TENM1: variants seen among roughly 807,000 people sequenced by gnomAD.
TENM1 encodes the protein teneurin-1.
Under a neutral mutation model 174.8 loss-of-function variants are expected in TENM1, and 35 were observed. That is an observed-to-expected ratio of 0.20 (90% CI 0.15 to 0.27). TENM1 has a LOEUF of 0.27. TENM1 is among the 10% of genes least tolerant of loss of function. The pLI is 1.00. For missense variants in TENM1, 1,633 were observed against 2,130.1 expected, an observed-to-expected ratio of 0.77 and a Z score of 4.59; for synonymous variants, 781 against 798.7, an observed-to-expected ratio of 0.98 and a Z score of 0.37.
At chrX:125,186,643 T>A in the TENM1 span, among the ~76,000 whole-genome samples, 19 of 110,049 alleles carry the variant, frequency 1.7e-4, no homozygotes, top group Non-Finnish European at 3.0e-4. Context: ...CTGAATATGC[T>A]GGCTCCCCTT....
chrX:124,841,599 G>A (rs2056501883), intron 3 of TENM1, among the ~76,000 whole-genome samples: 1 of 105,404 alleles, frequency 9.5e-6, no homozygotes, highest in Admixed American at 1.0e-4. Flanking sequence ...GAGTGTTGTG[G>A]CTGCCTCTTT....
chrX:124,904,312 T>G (rs2147612572), intron 1 of TENM1, among the ~76,000 whole-genome samples: 1 of 111,765 alleles, frequency 8.9e-6, no homozygotes, highest in South Asian at 3.7e-4. Context: ...TCAGCGTCCA[T>G]CATCAACTAC....
At chrX:124,503,567 A>C in exon 19 of TENM1, 6 of 1,205,017 alleles carry the variant, frequency 5.0e-6, no homozygotes, top group Non-Finnish European at 6.7e-6. Flanking sequence ...TACCACTTTG[A>C]GGATTCAAAA....
At chrX:124,475,023 C>T (rs2061372341) in intron 22 of TENM1, among the ~76,000 whole-genome samples, 1 of 111,362 alleles carries the variant, frequency 9.0e-6, no homozygotes, top group Non-Finnish European at 1.9e-5. Context: ...GTAAAATTCT[C>T]ATAAGAAATG....
intron 14 of TENM1, among the ~76,000 whole-genome samples, chrX:124,560,809 C>T (rs1196492980): frequency 9.0e-6 from 1 of 111,687 alleles, no homozygotes; most frequent in Non-Finnish European, 1.9e-5. Flanking sequence ...AGCTAATATA[C>T]AGAAATTCAA....
At chrX:125,156,786 C>T in the TENM1 span, among the ~76,000 whole-genome samples, 28 of 111,516 alleles carry the variant, frequency 2.5e-4, no homozygotes, top group Non-Finnish European at 5.1e-4. Context: ...ATCATGAGTT[C>T]GCTGGATTGA....
intron 11 of TENM1, among the ~76,000 whole-genome samples, chrX:124,603,402 GA>G (rs1193355534): frequency 2.7e-5 from 3 of 111,805 alleles, no homozygotes; most frequent in Non-Finnish European, 5.7e-5. Context: ...GGGAATTTTA[GA>G]TACTAAGCAC....
intron 1 of TENM1, among the ~76,000 whole-genome samples, chrX:124,896,974 C>T (rs1292383648): frequency 9.0e-6 from 1 of 111,436 alleles, no homozygotes; most frequent in Admixed American, 9.6e-5. Flanking sequence ...ATTTTCAGAA[C>T]CTTAAAGATG....
intron 22 of TENM1, among the ~76,000 whole-genome samples, chrX:124,478,870 G>A (rs932638558): frequency 2.7e-5 from 3 of 112,463 alleles, no homozygotes; most frequent in Admixed American, 1.9e-4. Flanking sequence ...ATCTGTAAGA[G>A]AACCTCAAAG....
intron 3 of TENM1, among the ~76,000 whole-genome samples, chrX:124,761,415 C>A (rs2054410806): frequency 9.2e-6 from 1 of 108,166 alleles, no homozygotes. Context: ...AAGCTGGAAA[C>A]CATCATTCTC....
chrX:124,949,029 C>A (rs1327267001), intron 1 of TENM1, among the ~76,000 whole-genome samples: 2 of 111,644 alleles, frequency 1.8e-5, no homozygotes, highest in South Asian at 3.8e-4. Flanking sequence ...TTAAGATCCT[C>A]AACAAAGTCC....
the TENM1 span, among the ~76,000 whole-genome samples, chrX:125,010,378 G>A: frequency 1.8e-5 from 2 of 110,384 alleles, no homozygotes; most frequent in African/African-American, 3.3e-5. Context: ...AAATAAGAGA[G>A]GACACAAACA....
chrX:124,548,153 A>C (rs186211599), intron 14 of TENM1, among the ~76,000 whole-genome samples: 33 of 111,983 alleles, frequency 2.9e-4, no homozygotes, highest in African/African-American at 8.7e-4. Context: ...TTACTACCAA[A>C]TCTGACATAC....
the TENM1 span, among the ~76,000 whole-genome samples, chrX:125,126,848 A>C: frequency 9.0e-6 from 1 of 111,645 alleles, no homozygotes; most frequent in Admixed American, 9.6e-5. Flanking sequence ...AACAGATGGT[A>C]CATGTGGAAA....
the TENM1 span, among the ~76,000 whole-genome samples, chrX:124,979,879 G>T: frequency 1.8e-5 from 2 of 111,671 alleles, no homozygotes; most frequent in East Asian, 2.8e-4. Context: ...TTTCAACAAA[G>T]AAATGAAAAT....
At chrX:124,378,831 G>A (rs779050947) in exon 32 of TENM1, 4 of 111,968 alleles carry the variant, frequency 3.6e-5, no homozygotes, top group Admixed American at 9.5e-5. Context: ...AACTGTCATC[G>A]CAAAGCAAGG....
the TENM1 span, among the ~76,000 whole-genome samples, chrX:125,181,115 A>G: frequency 1.8e-5 from 2 of 112,177 alleles, no homozygotes; most frequent in African/African-American, 6.5e-5. Context: ...ACACTATGTT[A>G]TATGCCAGGC....
the TENM1 span, among the ~76,000 whole-genome samples, chrX:124,979,926 G>A: frequency 2.0e-4 from 22 of 111,690 alleles, no homozygotes; most frequent in Non-Finnish European, 4.0e-4. Context: ...TGGGGAAATG[G>A]GAATGTACAG....
chrX:124,759,040 T>C (rs951081072), intron 3 of TENM1, among the ~76,000 whole-genome samples: 1 of 112,190 alleles, frequency 8.9e-6, no homozygotes, highest in African/African-American at 3.2e-5. Context: ...GTATATTTTA[T>C]GTGTTTTTAT....
Sources: allele counts gnomAD v4.1 joint callset (sites outside exome capture counted in the v4.1 genomes callset), GRCh38; gene constraint gnomAD v4.1.1; transcripts MANE v1.5; gene names NCBI Gene and HGNC (gene_info 2026-07-23, HGNC 2026-07-21).